EMB: variants seen among roughly 807,000 people sequenced by gnomAD.
EMB encodes embigin.
In EMB, 31 loss-of-function variants were observed where a neutral mutation model predicts 41.4. The observed-to-expected ratio is 0.75, with a 90% CI of 0.56 to 1.01. EMB has a LOEUF of 1.01. Ranked by LOEUF, EMB falls within the 50% of genes least tolerant of loss-of-function variation. EMB has a pLI of 0.00. For missense variants in EMB, 379 were observed against 388.3 expected (o/e 0.98, Z 0.20); for synonymous variants, 137 against 140.4 (o/e 0.98, Z 0.17).
intron 2 of EMB, among the ~76,000 whole-genome samples, chr5:50,417,709 A>G (rs1029935768): frequency 6.6e-6 from 1 of 152,176 alleles, no homozygotes; most frequent in African/African-American, 2.4e-5. Context: ...CTCAAGACCT[A>G]TGAACTATGT....
At chr5:50,417,237 G>T (rs1745443837) in intron 2 of EMB, among the ~76,000 whole-genome samples, 1 of 152,038 alleles carries the variant, frequency 6.6e-6, no homozygotes, top group Non-Finnish European at 1.5e-5. Context: ...GAAACAGAAG[G>T]CCACACTAAC....
At position 50,411,420 on chromosome 5, in the gene EMB, A is replaced by T. The variant is rs750015909; in HGVS notation, c.197-37T>A. On this transcript the variant is annotated intron_variant, in intron 2 of 8. Coordinates refer to ENST00000303221, the MANE Select transcript of EMB (RefSeq NM_198449.3). ...AAAGAGGACAAAATGTGAAAGTTAT[A>T]TTCAGAGGAATCTAACACATAAAAC... 3.5e-6 allele frequency: 5 copies of T among 1,435,508 alleles called. No individual in the cohort carries two copies. The South Asian group carries it at 5.8e-5, about 17-fold the overall frequency. 88.9% of individuals were successfully genotyped at this position (1,435,508 alleles called of 1,614,324 possible).
chr5:50,403,866 T>G (rs1349578179), intron 5 of EMB, among the ~76,000 whole-genome samples: 1 of 151,944 alleles, frequency 6.6e-6, no homozygotes, highest in East Asian at 1.9e-4. Context: ...AAGCTACTAT[T>G]TCTGATCATT....
chr5:50,426,712 A>G (rs1190119107), intron 2 of EMB, among the ~76,000 whole-genome samples: 1 of 152,204 alleles, frequency 6.6e-6, no homozygotes, highest in Non-Finnish European at 1.5e-5. Flanking sequence ...GAATAATGAT[A>G]AAATCAATAT....
At chr5:50,413,795 C>A (rs542986094) in intron 2 of EMB, among the ~76,000 whole-genome samples, 2 of 152,148 alleles carry the variant, frequency 1.3e-5, no homozygotes, top group African/African-American at 4.8e-5. Flanking sequence ...CCAGGCTAGT[C>A]TCAAACTCCT....
At chr5:50,440,575 C>A (rs1745886758) in intron 1 of EMB, among the ~76,000 whole-genome samples, 1 of 149,864 alleles carries the variant, frequency 6.7e-6, no homozygotes, top group Admixed American at 6.6e-5. Flanking sequence ...TCAAAGCCAA[C>A]CCACCTGCCA....
At chr5:50,419,354 T>C (rs1579732458) in intron 2 of EMB, among the ~76,000 whole-genome samples, 1 of 152,198 alleles carries the variant, frequency 6.6e-6, no homozygotes, top group East Asian at 1.9e-4. Flanking sequence ...ATTTTGCACA[T>C]ATCCACTTCA....
In EMB at chr5:50,396,442, C is replaced by T. The variant is rs1275790461; in HGVS notation, c.*2831G>A. On this transcript the variant is annotated 3_prime_UTR_variant, in exon 9 of 9. Coordinates refer to ENST00000303221, the MANE Select transcript of EMB (RefSeq NM_198449.3). ...TATTTATAACACAGAGTAATAAACA[C>T]AAATAAATGTGGAGTTATTTAAGCA... 6.6e-6 allele frequency: 1 copy of T among 152,074 alleles called. No individual in the cohort carries two copies. The highest frequency in any genetic ancestry group is 2.4e-5 in the African/African-American group (1 of 41,414). 9.4% of individuals were successfully genotyped at this position (152,074 alleles called of 1,614,324 possible).
At position 50,428,220 on chromosome 5, in the gene EMB, AG is replaced by A; in HGVS notation, c.119del (p.Pro40LeufsTer11). 6.2e-7 allele frequency: 1 copy of A among 1,609,660 alleles called. No homozygotes were observed. Among genetic ancestry groups the A allele is most frequent in the African/African-American group, 1.3e-5 (1 of 74,930 alleles). The stretch of plus-strand genomic sequence containing the variant: ...CTTCTCTGAGAGGTGGACTTGTAAA[AG>A]GCGAATCTATAAGAGAAAGAACACA... ...SSADGSAPDS[P>X]FTSPPLREEI... On this transcript the variant is annotated frameshift_variant, in exon 2 of 9. Transcript: ENST00000303221. LOFTEE classifies it high-confidence loss of function.
rs1166715173 is a variant in EMB, at chr5:50,441,197, G to C, written c.-46C>G. On this transcript the variant is annotated 5_prime_UTR_variant, in exon 1 of 9. Transcript: ENST00000303221. ...GGTCCTCGTGGAGACTGCTCCCTCAGCTCGCCGCCGCGGGTGTCCAGAGTC... is the reference window on the plus strand; with the variant it reads ...GGTCCTCGTGGAGACTGCTCCCTCACCTCGCCGCCGCGGGTGTCCAGAGTC... The C allele has an allele frequency of 1.7e-6, 2 of 1,205,840 alleles. No homozygotes were observed. The allele number at this position is 1,205,840 out of a possible 1,614,324, so 74.7% of individuals were successfully genotyped here.
In EMB at chr5:50,403,278, C is replaced by T. The variant is rs370722596; in HGVS notation, c.777G>A (p.Val259=). ...CTATTACAAGAAATGGTTTGAGGGG[C>T]ACCAAATAGCTCAGCACCACAAGCT... is the stretch of plus-strand genomic sequence containing the variant. ...HIELVVLSYL[V]PLKPFLVIVA... The change falls in exon 6 of 9, where the codon GTG becomes GTA. Residue 259 remains valine, a synonymous_variant. Coordinates refer to ENST00000303221, the MANE Select transcript of EMB (RefSeq NM_198449.3). The T allele has an allele frequency of 1.4e-5, 22 of 1,612,630 alleles. No homozygotes were observed. The African/African-American group carries it at 1.7e-4, about 13-fold the overall frequency.
intron 1 of EMB, among the ~76,000 whole-genome samples, chr5:50,431,993 A>T (rs1408677251): frequency 6.6e-6 from 1 of 152,224 alleles, no homozygotes; most frequent in African/African-American, 2.4e-5. Context: ...AATTTATTCT[A>T]TTAACACTTT....
intron 2 of EMB, among the ~76,000 whole-genome samples, chr5:50,413,410 G>T (rs1419074983): frequency 6.6e-6 from 1 of 152,086 alleles, no homozygotes; most frequent in Non-Finnish European, 1.5e-5. Flanking sequence ...TTAAAAAAAG[G>T]TGCTGGAGGA....
At chr5:50,412,032 ATATT>A (rs1016831852) in intron 2 of EMB, 6 of 152,102 alleles carry the variant, frequency 3.9e-5, no homozygotes, top group Non-Finnish European at 8.8e-5. Context: ...TTCAAAATAG[ATATT>A]TATTTTGGAT....
At chr5:50,407,981 G>C (rs1380612781) in intron 4 of EMB, among the ~76,000 whole-genome samples, 2 of 151,906 alleles carry the variant, frequency 1.3e-5, no homozygotes, top group African/African-American at 4.8e-5. Flanking sequence ...AAGACTTTTA[G>C]GTACCACTAA....
intron 1 of EMB, among the ~76,000 whole-genome samples, chr5:50,437,241 A>G (rs1470723170): frequency 6.6e-6 from 1 of 152,112 alleles, no homozygotes; most frequent in Non-Finnish European, 1.5e-5. Context: ...TCGGTACTCC[A>G]GCCTGAGTGA....
intron 5 of EMB, 30 bp downstream of exon 5, chr5:50,405,695 T>C (rs1200021182): frequency 1.3e-6 from 2 of 1,555,014 alleles, no homozygotes; most frequent in Non-Finnish European, 1.7e-6. Context: ...CTGTTGTTGT[T>C]GTTTTCTTCA....
intron 3 of EMB, 100 bp downstream of exon 3, chr5:50,411,097 A>C: frequency 8.3e-7 from 1 of 1,210,044 alleles, no homozygotes; most frequent in South Asian, 1.5e-5. Flanking sequence ...TATTAGCATA[A>C]CATTCAAGTG....
chr5:50,401,012 C>G (rs921569535), intron 7 of EMB, among the ~76,000 whole-genome samples: 1 of 151,860 alleles, frequency 6.6e-6, no homozygotes, highest in African/African-American at 2.4e-5. Flanking sequence ...ATGACTGTCA[C>G]GTTTGTTATA....
Sources: allele counts gnomAD v4.1 joint callset (sites outside exome capture counted in the v4.1 genomes callset), GRCh38; gene constraint gnomAD v4.1.1; transcripts MANE v1.5; gene names NCBI Gene and HGNC (gene_info 2026-07-23, HGNC 2026-07-21).